The following ASXL3 variants were observed in gnomAD, a reference collection of about 807,000 sequenced individuals.
ASXL3 encodes the protein ASXL transcriptional regulator 3.
Under a neutral mutation model 170.6 loss-of-function variants are expected in ASXL3, and 34 were observed. The ratio of observed to expected loss-of-function variants is 0.20; its 90% CI spans 0.15 to 0.27. The LOEUF (loss-of-function observed/expected upper bound fraction) is 0.27. ASXL3 is among the 10% of genes least tolerant of loss of function. ASXL3 has a pLI of 1.00. For missense variants in ASXL3, 2,592 were observed against 2,695.3 expected (o/e 0.96, Z 0.85); for synonymous variants, 1,002 against 989.1 (o/e 1.01, Z -0.24).
intron 1 of ASXL3, among the ~76,000 whole-genome samples, chr18:33,584,450 A>G (rs899405347): frequency 5.9e-5 from 9 of 152,120 alleles, no homozygotes; most frequent in Non-Finnish European, 7.4e-5. Flanking sequence ...AACAAAATGA[A>G]TATCACTTAT....
intron 7 of ASXL3, among the ~76,000 whole-genome samples, chr18:33,675,399 A>G (rs959097226): frequency 1.3e-5 from 2 of 151,802 alleles, no homozygotes; most frequent in Non-Finnish European, 2.9e-5. Flanking sequence ...ATGGTCTTGG[A>G]AATGAGGTTT....
rs774404357 is a variant in ASXL3, at chr18:33,744,505, C to A, written c.4657C>A (p.Pro1553Thr). 1 of 1,612,272 alleles carries A rather than the reference C, an allele frequency of 6.2e-7. No homozygotes were observed. Among genetic ancestry groups the A allele is most frequent in the South Asian group, 1.1e-5 (1 of 90,934 alleles). ...AGCAAAACAAGACAGTAAAACATTG[C>A]CGGCCACCTGCACAAGTCTCCGAGA... ...SAAKQDSKTL[P>T]ATCTSLRELP... The change falls in exon 12 of 12, where the codon CCG becomes ACG. Residue 1553 changes from proline (P) to threonine (T), a missense_variant. Physicochemically the swap from Pro to Thr is conservative, Grantham distance 38. Coordinates refer to ENST00000269197, the MANE Select transcript of ASXL3 (RefSeq NM_030632.3).
At chr18:33,727,839 A>G (rs2067375883) in intron 8 of ASXL3, among the ~76,000 whole-genome samples, 2 of 152,174 alleles carry the variant, frequency 1.3e-5, no homozygotes, top group African/African-American at 2.4e-5. Context: ...TATTTCCTAA[A>G]TCAAATTCAG....
chr18:33,694,767 T>G (rs2066745061), intron 8 of ASXL3, among the ~76,000 whole-genome samples: 1 of 152,154 alleles, frequency 6.6e-6, no homozygotes, highest in South Asian at 2.1e-4. Context: ...GTCTTTGTGT[T>G]CCTCCGGTTC....
chr18:33,600,199 G>C (rs1281278724), intron 1 of ASXL3, among the ~76,000 whole-genome samples: 1 of 152,122 alleles, frequency 6.6e-6, no homozygotes, highest in Non-Finnish European at 1.5e-5. Flanking sequence ...GAAACAAAGG[G>C]AGACTTGGTC....
intron 2 of ASXL3, among the ~76,000 whole-genome samples, chr18:33,622,275 A>C (rs75645758): frequency 6.2e-4 from 94 of 152,308 alleles, no homozygotes; most frequent in African/African-American, 2.2e-3. Flanking sequence ...CATCACATAC[A>C]AAATGGTGAT....
chr18:33,728,397 AC>A (rs757273420), intron 8 of ASXL3, among the ~76,000 whole-genome samples: 1 of 152,112 alleles, frequency 6.6e-6, no homozygotes, highest in Non-Finnish European at 1.5e-5. Flanking sequence ...CAATATGAAT[AC>A]CTTTTCCCTT....
At chr18:33,637,231 T>C (rs1010928079) in intron 2 of ASXL3, among the ~76,000 whole-genome samples, 3 of 152,186 alleles carry the variant, frequency 2.0e-5, no homozygotes, top group African/African-American at 7.2e-5. Context: ...ATAAATATGA[T>C]ATAACATTTC....
At position 33,746,774 on chromosome 18, in the gene ASXL3, A is replaced by G. The variant is rs2067802218; in HGVS notation, c.*179A>G. The G allele has an allele frequency of 3.6e-5, 36 of 1,001,888 alleles. 1 individual carries two copies. The South Asian group carries it at 8.0e-4, about 22-fold the overall frequency. The allele number at this position is 1,001,888 out of a possible 1,614,324, so 62.1% of individuals were successfully genotyped here. A position where few individuals can be genotyped will look rare whatever the true frequency, so the allele number is the denominator to read the frequency against. The stretch of plus-strand genomic sequence containing the variant: ...CTCATAAAGGGGAGGATGCATCCCA[A>G]CTGAATGGCTCACTGGCATGTCTTT... On this transcript the variant is annotated 3_prime_UTR_variant, in exon 12 of 12. Transcript: ENST00000269197.
At chr18:33,726,065 G>GAATT (rs1283838642) in intron 8 of ASXL3, among the ~76,000 whole-genome samples, 3 of 152,080 alleles carry the variant, frequency 2.0e-5, no homozygotes, top group Non-Finnish European at 4.4e-5. Flanking sequence ...CATCTACTGG[G>GAATT]AATTATAATC....
chr18:33,680,146 A>G (rs2066493107), intron 7 of ASXL3, among the ~76,000 whole-genome samples: 1 of 151,996 alleles, frequency 6.6e-6, no homozygotes, highest in Non-Finnish European at 1.5e-5. Context: ...CATTTCAAAA[A>G]TTTCGGTATC....
Position 33,745,018 on chromosome 18 carries a change from A to G in ASXL3, c.5170A>G (p.Thr1724Ala), listed in dbSNP as rs770534088. 5 of 1,614,028 alleles carry G rather than the reference A, an allele frequency of 3.1e-6. No homozygotes were observed. The highest frequency in any genetic ancestry group is 1.1e-5 in the South Asian group (1 of 91,088). Residue 1724 changes from threonine (T) to alanine (A), a missense_variant, in exon 12 of 12, where the codon ACC becomes GCC. By Grantham distance (58) the Thr-to-Ala change is moderately conservative. This residue lies in a region of ASXL3 where 2,246 missense variants were observed against 2,219.6 expected (regional missense o/e 1.01). Coordinates refer to ENST00000269197, the MANE Select transcript of ASXL3 (RefSeq NM_030632.3). ...SPMEEAISLA[T>A]DALKRVPGAG... Reference sequence around the variant, plus strand: ...CATGGAAGAGGCTATTTCCTTGGCTACCGATGCCCTGAAGAGAGTCCCTGG... The same window carrying G: ...CATGGAAGAGGCTATTTCCTTGGCTGCCGATGCCCTGAAGAGAGTCCCTGG...
chr18:33,597,766 G>A (rs774663321), intron 1 of ASXL3, among the ~76,000 whole-genome samples: 29 of 147,436 alleles, frequency 2.0e-4, no homozygotes, highest in Non-Finnish European at 4.0e-4. Flanking sequence ...GTGAATTAAT[G>A]TATTGGTGTC....
intron 1 of ASXL3, among the ~76,000 whole-genome samples, chr18:33,590,451 A>G (rs1303300634): frequency 6.6e-6 from 1 of 152,154 alleles, no homozygotes; most frequent in East Asian, 1.9e-4. Context: ...AAAAGCACCA[A>G]TAAAAGGCAG....
At position 33,739,021 on chromosome 18, in the gene ASXL3, C is replaced by G; in HGVS notation, c.1617C>G (p.Val539=). 1 of 1,613,556 alleles carries G rather than the reference C, an allele frequency of 6.2e-7. No homozygotes were observed. The highest frequency in any genetic ancestry group is 8.5e-7 in the Non-Finnish European group (1 of 1,179,710). ...CAGTTGTTATCGATCAGTTAGAAGT[C>G]TGTGACTCTCTTATTCCTTCCACTT... ...EMTVVIDQLE[V]CDSLIPSTSS... is the part of the protein sequence containing the mutation. The change falls in exon 11 of 12, where the codon GTC becomes GTG. Residue 539 remains valine (V), a synonymous_variant. Transcript: ENST00000269197.
chr18:33,748,159 A>T lies in ASXL3; in HGVS notation c.*1564A>T, dbSNP rs1301406212. On this transcript the variant is annotated 3_prime_UTR_variant, in exon 12 of 12. Transcript: ENST00000269197. ...ATCATCTGTATCCAGGGTAAGAATG[A>T]CCAATATTTTCACATGGGATCATCC... 6.6e-6 allele frequency: 1 copy of T among 152,170 alleles called. No homozygotes were observed. Among genetic ancestry groups the T allele is most frequent in the Non-Finnish European group, 1.5e-5 (1 of 68,040 alleles). The allele number at this position is 152,170 out of a possible 1,614,324, so 9.4% of individuals were successfully genotyped here.
intron 5 of ASXL3, among the ~76,000 whole-genome samples, chr18:33,667,556 T>C (rs1488920403): frequency 6.6e-6 from 1 of 152,182 alleles, no homozygotes; most frequent in African/African-American, 2.4e-5. Flanking sequence ...TGAAAAGTTA[T>C]CCCTGCTAGT....
At position 33,734,390 on chromosome 18, in the gene ASXL3, T is replaced by A. The variant is rs910824336; in HGVS notation, c.1057T>A (p.Phe353Ile). ...GAAAACAGAACCTTGGAAAGAAAAA[T>A]TCTTTGAGAGGTTTTATGGAGAAAA... is the stretch of plus-strand genomic sequence containing the variant. ...EKKTEPWKEK[F>I]FERFYGEKLG... Residue 353 changes from phenylalanine (F) to isoleucine (I), a missense_variant, in exon 10 of 12, where the codon TTC (phenylalanine) becomes ATC (isoleucine). Phe to Ile is a conservative substitution (Grantham distance 21). This residue lies in a region of ASXL3 where 73 missense variants were observed against 142.7 expected (regional missense o/e 0.51). Transcript: ENST00000269197. The A allele has an allele frequency of 6.2e-7, 1 of 1,605,992 alleles. No individual in the cohort carries two copies. The highest frequency in any genetic ancestry group is 1.3e-5 in the African/African-American group (1 of 74,446).
chr18:33,706,567 C>T (rs1599521430), intron 8 of ASXL3, among the ~76,000 whole-genome samples: 1 of 151,792 alleles, frequency 6.6e-6, no homozygotes. Context: ...TTTTAGTTTG[C>T]ATTTATCTGA....
Sources: allele counts gnomAD v4.1 joint callset (sites outside exome capture counted in the v4.1 genomes callset), GRCh38; gene constraint gnomAD v4.1.1; regional missense constraint gnomAD v4.1.1; transcripts MANE v1.5; gene names NCBI Gene and HGNC (gene_info 2026-07-23, HGNC 2026-07-21).